The following TSPEAR variants were observed in gnomAD, a reference collection of about 807,000 sequenced individuals.
TSPEAR encodes the protein thrombospondin-type laminin G domain and EAR repeat-containing protein.
TSPEAR carries 69 observed loss-of-function variants against 71.6 expected under a neutral mutation model. The ratio of observed to expected loss-of-function variants is 0.96; its 90% confidence interval spans 0.79 to 1.18. The LOEUF is 1.18. Among genes scored for constraint, TSPEAR ranks in the 50% most tolerant of loss-of-function variants. The pLI, the probability that TSPEAR is intolerant of heterozygous loss-of-function variation, is 0.00. For synonymous variants in TSPEAR, 402 were observed against 387.2 expected, an observed-to-expected ratio of 1.04 and a Z score of -0.45; for missense variants, 971 against 894.9, an observed-to-expected ratio of 1.09 and a Z score of -1.09.
rs1988197484 is a variant in TSPEAR at position 44,711,139 on chromosome 21, A to G, written c.82+294T>C. 6.6e-6 allele frequency among the ~76,000 whole-genome samples: 1 copy of G among 152,174 alleles called. No homozygotes were observed. The highest frequency in any genetic ancestry group is 6.5e-5 in the Admixed American group (1 of 15,276). ...CCTTTCCCGGGAGGCCCAGCAGGTA[A>G]GCACTTGTGGAGGCCCCGGTGGCTG... On this transcript the variant is annotated intron_variant, in intron 1 of 11. Transcript: ENST00000323084. This position sits in a 1 kb window ranked among gnomAD's most constrained non-coding sequence, Gnocchi z 4.5.
chr21:44,611,950 G>A lies in TSPEAR; in HGVS notation c.83-43945C>T, dbSNP rs587727685. 83 of 792,248 alleles carry A rather than the reference G, an allele frequency of 1.0e-4. No individual in the cohort carries two copies. The African/African-American group carries it at 1.3e-3, about 13-fold the overall frequency. 49.1% of individuals were successfully genotyped at this position (792,248 alleles called of 1,614,324 possible). A position where few individuals can be genotyped will look rare whatever the true frequency, so the allele number is the denominator to read the frequency against. On this transcript the variant is annotated intron_variant, in intron 1 of 11. Coordinates refer to ENST00000323084, the MANE Select transcript of TSPEAR (RefSeq NM_144991.3). ...CAAGTAAACTAATTAGGGTTGCCTG[G>A]AGGCAAAGTCTCAGCCACAACAAGG... is the stretch of plus-strand genomic sequence containing the variant.
intron 1 of TSPEAR, among the ~76,000 whole-genome samples, chr21:44,690,252 C>T (rs562172016): frequency 3.4e-4 from 52 of 152,256 alleles, no homozygotes; most frequent in Non-Finnish European, 4.7e-4. Flanking sequence ...TCCCACAAAG[C>T]GGGACAGTGA....
At chr21:44,613,323 C>A (rs1555931733) in intron 1 of TSPEAR, among the ~76,000 whole-genome samples, 1 of 152,214 alleles carries the variant, frequency 6.6e-6, no homozygotes, top group Admixed American at 6.5e-5. Context: ...GGGACAGTGG[C>A]CTAACTCCTC....
In TSPEAR at chr21:44,504,828, G is replaced by A. The variant is rs1555911675; in HGVS notation, c.1808C>T (p.Ala603Val). Residue 603 changes from alanine to valine, a missense_variant, in exon 11 of 12, where the codon GCC (alanine) becomes GTC (valine). By Grantham distance (64) the Ala-to-Val change is moderately conservative. Transcript: ENST00000323084. ...SVGEDYFLVV[A>V]NSFDGRTFSV... ...GAAGGTACGCCCATCGAAGGAGTTGGCCACCACCAGGAAATAATCTTCTCC... is the reference window on the plus strand; with the variant it reads ...GAAGGTACGCCCATCGAAGGAGTTGACCACCACCAGGAAATAATCTTCTCC... 1.9e-6 allele frequency: 3 copies of A among 1,613,722 alleles called. No individual in the cohort carries two copies. The South Asian group carries it at 3.3e-5, about 18-fold the overall frequency.
intron 1 of TSPEAR, chr21:44,579,817 C>T (rs587770306): frequency 2.9e-5 from 46 of 1,609,664 alleles, no homozygotes; most frequent in Middle Eastern, 1.7e-4. Flanking sequence ...CGCAGGAGGC[C>T]GGGCGGCAGC....
intron 1 of TSPEAR, chr21:44,646,419 C>T: frequency 1.3e-6 from 2 of 1,578,994 alleles, no homozygotes; most frequent in Non-Finnish European, 1.7e-6. Context: ...CTCACACACT[C>T]ACTTACACCT....
chr21:44,706,601 G>T (rs994079870), intron 1 of TSPEAR, among the ~76,000 whole-genome samples: 2 of 152,206 alleles, frequency 1.3e-5, no homozygotes, highest in Non-Finnish European at 2.9e-5. Context: ...TTGCTGGGTT[G>T]CGCTTCACCC....
At chr21:44,705,920 G>C (rs1601586430) in intron 1 of TSPEAR, among the ~76,000 whole-genome samples, 1 of 152,256 alleles carries the variant, frequency 6.6e-6, no homozygotes, top group South Asian at 2.1e-4. Context: ...AAACTTGCTG[G>C]TTTTTGCGGC....
chr21:44,621,373 T>C (rs1046264541), intron 1 of TSPEAR, among the ~76,000 whole-genome samples: 14 of 152,258 alleles, frequency 9.2e-5, no homozygotes, highest in African/African-American at 3.4e-4. Context: ...TAAACATGTA[T>C]ATATTTATAA....
rs1289523361 is a variant in TSPEAR at position 44,531,099 on chromosome 21, C to G, written c.577G>C (p.Val193Leu). 6.2e-7 allele frequency: 1 copy of G among 1,613,884 alleles called. No individual in the cohort carries two copies. Among genetic ancestry groups the G allele is most frequent in the South Asian group, 1.1e-5 (1 of 91,068 alleles). The change falls in exon 4 of 12, where the codon GTG becomes CTG. Residue 193 changes from valine (V) to leucine (L), a missense_variant. Transcript: ENST00000323084. ...ADVPFPATLS[V>L]KGARFFVGSR... ...CCGACGAAGAATCGAGCTCCTTTCA[C>G]TGACAGGGTGGCTGGGAAGGGCACA...
intron 1 of TSPEAR, among the ~76,000 whole-genome samples, chr21:44,703,107 C>A (rs2146332164): frequency 6.6e-6 from 1 of 152,362 alleles, no homozygotes; most frequent in African/African-American, 2.4e-5. Context: ...CCGCCCTTGC[C>A]CACCACGTGC....
At chr21:44,567,637 C>T (rs1159083710) in intron 2 of TSPEAR, 148 bp downstream of exon 2, 5 of 590,886 alleles carry the variant, frequency 8.5e-6, no homozygotes, top group African/African-American at 1.9e-5. Context: ...GACCTCACTA[C>T]CTAGCAAGGC....
intron 1 of TSPEAR, chr21:44,646,694 G>A (rs782381267): frequency 1.2e-6 from 2 of 1,614,112 alleles, no homozygotes; most frequent in Admixed American, 3.3e-5. Flanking sequence ...ACGCCGTCAT[G>A]CTGCCAGCAG....
intron 1 of TSPEAR, among the ~76,000 whole-genome samples, chr21:44,707,469 C>T (rs552041955): frequency 4.5e-4 from 69 of 152,314 alleles, no homozygotes; most frequent in African/African-American, 1.7e-3. Context: ...GGCTCGTTAT[C>T]CTGGAACCAG....
At chr21:44,611,924 G>A (rs1981700972) in intron 1 of TSPEAR, among the ~76,000 whole-genome samples, 2 of 152,152 alleles carry the variant, frequency 1.3e-5, no homozygotes, top group African/African-American at 2.4e-5. Context: ...ACATCCCACA[G>A]CAAGTAAACT....
chr21:44,632,544 A>G (rs1983314497), intron 1 of TSPEAR, among the ~76,000 whole-genome samples: 1 of 152,256 alleles, frequency 6.6e-6, no homozygotes, highest in Admixed American at 6.5e-5. Flanking sequence ...ATATTAAGAA[A>G]TAAAGAACTG....
At chr21:44,605,565 T>C (rs1177415456) in intron 1 of TSPEAR, among the ~76,000 whole-genome samples, 1 of 152,208 alleles carries the variant, frequency 6.6e-6, no homozygotes, top group Admixed American at 6.5e-5. Flanking sequence ...TTTAAAGCTA[T>C]TGTAATCCAA....
intron 9 of TSPEAR, chr21:44,518,632 C>T (rs934036378): frequency 2.8e-5 from 13 of 470,580 alleles, no homozygotes; most frequent in Non-Finnish European, 5.3e-5. Context: ...ATCCAGGGTG[C>T]GCGACTCTGC....
intron 1 of TSPEAR, chr21:44,697,189 G>C: frequency 6.2e-7 from 1 of 1,611,406 alleles, no homozygotes; most frequent in Non-Finnish European, 8.5e-7. Flanking sequence ...CCCCCAGCAC[G>C]GCTGCATCCA....
Sources: gnomAD v4.1 joint callset for allele counts (sites outside exome capture counted in the v4.1 genomes callset) on GRCh38, gnomAD v4.1.1 for gene constraint, Gnocchi (gnomAD v3.1) non-coding constraint, MANE v1.5 for transcripts, NCBI Gene and HGNC (gene_info 2026-07-23, HGNC 2026-07-21) for gene names.